The following KIAA0753 variants were observed in gnomAD, a reference collection of about 807,000 sequenced individuals.
KIAA0753 encodes the protein protein moonraker.
A neutral mutation model predicts 116.9 loss-of-function variants in KIAA0753; 114 were observed. The ratio of observed to expected loss-of-function variants is 0.98; its 90% CI spans 0.84 to 1.14. The LOEUF (loss-of-function observed/expected upper bound fraction) is 1.14. KIAA0753 is among the 50% of genes most tolerant of loss of function. The probability of loss-of-function intolerance (pLI) is 0.00; values close to 1 mark genes in which losing one functional copy is unlikely to be tolerated. For missense variants in KIAA0753, 1,156 were observed against 1,172.4 expected, an observed-to-expected ratio of 0.99 and a Z score of 0.20; for synonymous variants, 405 against 413.1, an observed-to-expected ratio of 0.98 and a Z score of 0.24.
At chr17:6,634,959 T>C (rs1972224086) in intron 2 of KIAA0753, 52 bp downstream of exon 2, 2 of 1,215,526 alleles carry the variant, frequency 1.6e-6, no homozygotes, top group South Asian at 2.5e-5. Flanking sequence ...TTCTTTCAAA[T>C]TTTATGTTTG....
intron 16 of KIAA0753, among the ~76,000 whole-genome samples, chr17:6,593,543 G>A (rs1387341394): frequency 1.3e-5 from 2 of 149,032 alleles, no homozygotes; most frequent in Non-Finnish European, 3.0e-5. Flanking sequence ...CTCACACCTG[G>A]AATCCCAGCA....
At chr17:6,590,062 G>A in intron 17 of KIAA0753, 59 bp from the exon 18 acceptor site, 1 of 1,289,654 alleles carries the variant, frequency 7.8e-7, no homozygotes, top group Non-Finnish European at 1.1e-6. Context: ...AGACTAAACT[G>A]TTAATTTACC....
At chr17:6,591,785 T>C (rs1969086985) in intron 16 of KIAA0753, among the ~76,000 whole-genome samples, 1 of 152,240 alleles carries the variant, frequency 6.6e-6, no homozygotes, top group African/African-American at 2.4e-5. Flanking sequence ...CGTTTACCTC[T>C]CCTCGGCTTC....
In KIAA0753 at chr17:6,628,600, C is replaced by A; in HGVS notation, c.235G>T (p.Val79Phe). 6.2e-7 allele frequency: 1 copy of A among 1,614,214 alleles called. No homozygotes were observed. Among genetic ancestry groups the A allele is most frequent in the Non-Finnish European group, 8.5e-7 (1 of 1,180,038 alleles). Reference protein sequence around the residue: ...SYHCKDADCRVGPDLGSSVSF... With the variant: ...SYHCKDADCRFGPDLGSSVSF... ...ACAGAACTGCCCAGGTCAGGACCAA[C>A]TCTACAATCTGCATCTTTACAATGG... Residue 79 changes from valine (V) to phenylalanine (F), a missense_variant, in exon 3 of 19, where the codon GTT becomes TTT. Transcript: ENST00000361413.
rs139610169 is a variant in KIAA0753, at chr17:6,615,168, C to A, written c.1316-3020G>T. ...CAGTCTCGTCTCCAACTCCTGACCT[C>A]AGGTGATCCACCCACCTCAGCCTCC... On this transcript the variant is annotated intron_variant, in intron 7 of 18. Coordinates refer to ENST00000361413, the MANE Select transcript of KIAA0753 (RefSeq NM_014804.3). Among the ~76,000 whole-genome samples the A allele has an allele frequency of 3.0e-3, 463 of 152,284 alleles. 5 individuals carry two copies. The highest frequency in any genetic ancestry group is 0.011 in the African/African-American group (450 of 41,562).
intron 7 of KIAA0753, among the ~76,000 whole-genome samples, chr17:6,613,627 G>A (rs4796340): frequency 0.2 from 29,870 of 152,072 alleles, 3,181 homozygotes; most frequent in East Asian, 0.38. Flanking sequence ...CGATAACTCA[G>A]TGAGTCTGAA....
chr17:6,628,433 A>G lies in KIAA0753; in HGVS notation c.402T>C (p.His134=), dbSNP rs1033398818. The change falls in exon 3 of 19, where the codon CAT becomes CAC. Residue 134 remains histidine, a synonymous_variant. Coordinates refer to ENST00000361413, the MANE Select transcript of KIAA0753 (RefSeq NM_014804.3). ...TGTGGTCGGGTATTTTATACTTAGTATGTCCACACTTCTGAGAGCTTTGAG... is the reference window on the plus strand; with the variant it reads ...TGTGGTCGGGTATTTTATACTTAGTGTGTCCACACTTCTGAGAGCTTTGAG... ...SQPQSSQKCG[H]TKYKIPDHRV... is the part of the protein sequence containing the mutation. 3.7e-6 allele frequency: 6 copies of G among 1,614,050 alleles called. No homozygotes were observed. In the Admixed American group the frequency reaches 1.0e-4, roughly 27 times the overall value.
chr17:6,614,924 G>A (rs980198058), intron 7 of KIAA0753, among the ~76,000 whole-genome samples: 2 of 152,122 alleles, frequency 1.3e-5, no homozygotes, highest in Non-Finnish European at 2.9e-5. Context: ...TCAGCCTCCT[G>A]AGCAGCCGGG....
chr17:6,636,221 T>G (rs1408222560), intron 1 of KIAA0753: 1 of 152,172 alleles, frequency 6.6e-6, no homozygotes, highest in Non-Finnish European at 1.5e-5. Context: ...TAAAGACAGC[T>G]GTCTAAGAGT....
Position 6,634,095 on chromosome 17 carries a change from C to CTTT in KIAA0753, c.93+913_93+915dup, listed in dbSNP as rs59023654. Among the ~76,000 whole-genome samples the CTTT allele has an allele frequency of 6.2e-3, 802 of 130,156 alleles. 10 individuals carry two copies. Among genetic ancestry groups the CTTT allele is most frequent in the African/African-American group, 0.02 (707 of 35,256 alleles). 85.4% of individuals were successfully genotyped at this position (130,156 alleles called of 152,430 possible). On this transcript the variant is annotated intron_variant, in intron 2 of 18. Coordinates refer to ENST00000361413, the MANE Select transcript of KIAA0753 (RefSeq NM_014804.3). ...AAAAAATCAGTAAACAGGGTGAATT[C>CTTT]TTTTTTTTTTTTTTTTTTCTTTTTT... is the stretch of plus-strand genomic sequence containing the variant.
intron 1 of KIAA0753, chr17:6,637,488 T>G (rs949887066): frequency 3.3e-5 from 5 of 152,538 alleles, no homozygotes; most frequent in African/African-American, 1.2e-4. Flanking sequence ...CTGTGGGCAC[T>G]CCCACGGCCA....
At position 6,620,884 on chromosome 17, in the gene KIAA0753, T is replaced by C; in HGVS notation, c.1219A>G (p.Ser407Gly). The C allele has an allele frequency of 6.2e-7, 1 of 1,614,208 alleles. No individual in the cohort carries two copies. The highest frequency in any genetic ancestry group is 8.5e-7 in the Non-Finnish European group (1 of 1,180,020). The change falls in exon 7 of 19, where the codon AGT (serine) becomes GGT (glycine). Residue 407 changes from serine (S) to glycine (G), a missense_variant. Coordinates refer to ENST00000361413, the MANE Select transcript of KIAA0753 (RefSeq NM_014804.3). ...GSQKALERWP[S>G]TSPKGERRPL... ...CTCCTCTCACCCTTTGGTGATGTACTTGGCCATCTCTCCAAGGCCTTTTGG... is the reference window on the plus strand; with the variant it reads ...CTCCTCTCACCCTTTGGTGATGTACCTGGCCATCTCTCCAAGGCCTTTTGG...
intron 3 of KIAA0753, among the ~76,000 whole-genome samples, chr17:6,626,292 C>T (rs543754251): frequency 6.6e-6 from 1 of 152,148 alleles, no homozygotes; most frequent in Non-Finnish European, 1.5e-5. Flanking sequence ...AGGGAGTCTT[C>T]AATTAGTAAA....
intron 7 of KIAA0753, among the ~76,000 whole-genome samples, chr17:6,618,425 C>G (rs1010622259): frequency 6.6e-6 from 1 of 152,230 alleles, no homozygotes. Context: ...AGGTCACAAC[C>G]TGGGACTTGT....
At chr17:6,618,511 T>C (rs1971084195) in intron 7 of KIAA0753, among the ~76,000 whole-genome samples, 1 of 152,168 alleles carries the variant, frequency 6.6e-6, no homozygotes, top group Non-Finnish European at 1.5e-5. Context: ...TCCAGGGAGA[T>C]AGTGTCAGAA....
chr17:6,591,303 G>A (rs1272827046), intron 16 of KIAA0753, among the ~76,000 whole-genome samples: 1 of 152,206 alleles, frequency 6.6e-6, no homozygotes. Context: ...CTTTTCTTAA[G>A]TAGGGAGCAT....
chr17:6,630,864 TAAGAA>T (rs1971983957), intron 2 of KIAA0753, among the ~76,000 whole-genome samples: 1 of 152,096 alleles, frequency 6.6e-6, no homozygotes, highest in African/African-American at 2.4e-5. Context: ...ACCCTTCATA[TAAGAA>T]AAGAAGACAT....
At chr17:6,625,062 A>T (rs181232195) in intron 3 of KIAA0753, among the ~76,000 whole-genome samples, 167 of 152,304 alleles carry the variant, frequency 1.1e-3, no homozygotes, top group African/African-American at 3.7e-3. Context: ...TGACTGAGAG[A>T]TGGAAGGGAC....
chr17:6,594,690 A>G (rs1391109372), intron 16 of KIAA0753, among the ~76,000 whole-genome samples: 1 of 150,606 alleles, frequency 6.6e-6, no homozygotes, highest in Non-Finnish European at 1.5e-5. Context: ...TTTATCTTGA[A>G]AAAAAGAGCC....
Sources: allele counts gnomAD v4.1 joint callset (sites outside exome capture counted in the v4.1 genomes callset), GRCh38; gene constraint gnomAD v4.1.1; transcripts MANE v1.5; gene names NCBI Gene and HGNC (gene_info 2026-07-23, HGNC 2026-07-21).